Variants in IBTK observed in about 807,000 individuals in gnomAD.
IBTK encodes the protein BTK-binding protein.
Under a neutral mutation model 154.9 loss-of-function variants are expected in IBTK, and 83 were observed. That is an observed-to-expected ratio of 0.54 (90% CI 0.45 to 0.64). The LOEUF is 0.64. IBTK is among the 30% of genes least tolerant of loss of function. IBTK has a pLI of 0.00. For missense variants in IBTK, 1,332 were observed against 1,584.6 expected (o/e 0.84, Z 2.71); for synonymous variants, 515 against 536.1 (o/e 0.96, Z 0.54).
At position 82,211,572 on chromosome 6, in the gene IBTK, A is replaced by C; in HGVS notation, c.2292T>G (p.Cys764Trp). 1 of 1,611,054 alleles carries C rather than the reference A, an allele frequency of 6.2e-7. No homozygotes were observed. The highest frequency in any genetic ancestry group is 1.1e-5 in the South Asian group (1 of 91,010). Residue 764 changes from cysteine to tryptophan, a missense_variant and splice_region_variant, in exon 14 of 29, where the codon TGT (cysteine) becomes TGG (tryptophan). Cys to Trp is a radical substitution (Grantham distance 215). Coordinates refer to ENST00000306270, the MANE Select transcript of IBTK (RefSeq NM_015525.4). ...TCATGGTCACGTCACACAGAAATGAACTGCAAGAAAATGTTTAATTGAAGC... is the reference window on the plus strand; with the variant it reads ...TCATGGTCACGTCACACAGAAATGACCTGCAAGAAAATGTTTAATTGAAGC... ...GNKLKLSQKK[C>W]SFLCDVTMKS...
chr6:82,219,734 CTT>C (rs1033056736), intron 9 of IBTK, among the ~76,000 whole-genome samples: 3 of 151,450 alleles, frequency 2.0e-5, no homozygotes, highest in Non-Finnish European at 2.9e-5. Context: ...AAAATTAGAA[CTT>C]TTTATTTAAG....
chr6:82,171,501 G>T lies in IBTK; in HGVS notation c.3986C>A (p.Pro1329His). ...CCTTTCAACAATGACAAACTCTTCAGGGTTGCCAAATGCCTCATAGAAAAC... is the reference window on the plus strand; with the variant it reads ...CCTTTCAACAATGACAAACTCTTCATGGTTGCCAAATGCCTCATAGAAAAC... ...LLVFYEAFGNPEEFVIVERTP... is the reference protein window; with the variant it reads ...LLVFYEAFGNHEEFVIVERTP... Residue 1329 changes from proline to histidine, a missense_variant, in exon 29 of 29, where the codon CCT (proline) becomes CAT (histidine). Pro to His is a moderately conservative substitution (Grantham distance 77). This residue lies in a region of IBTK where 1,134 missense variants were observed against 1,274.7 expected (regional missense o/e 0.89). Coordinates refer to ENST00000306270, the MANE Select transcript of IBTK (RefSeq NM_015525.4). 2 of 1,612,934 alleles carry T rather than the reference G, an allele frequency of 1.2e-6. No individual in the cohort carries two copies.
At chr6:82,184,009 T>C (rs1003834537) in intron 25 of IBTK, among the ~76,000 whole-genome samples, 2 of 152,254 alleles carry the variant, frequency 1.3e-5, no homozygotes, top group African/African-American at 4.8e-5. Flanking sequence ...AGCCAATAAA[T>C]ATCTGTTCAT....
chr6:82,193,163 C>A lies in IBTK; in HGVS notation c.3339-1284G>T, dbSNP rs1449371245. Among the ~76,000 whole-genome samples the A allele has an allele frequency of 5.4e-5, 8 of 149,518 alleles. No homozygotes were observed. The East Asian group carries it at 1.6e-3, about 29-fold the overall frequency. On this transcript the variant is annotated intron_variant, in intron 23 of 28. Coordinates refer to ENST00000306270, the MANE Select transcript of IBTK (RefSeq NM_015525.4). ...CCTGTTTCCTGTACTTTTTTTCTTT[C>A]ATCAAAAACAAATTCTACTTATTAT... is the stretch of plus-strand genomic sequence containing the variant.
chr6:82,237,604 T>C (rs914841517), intron 2 of IBTK, among the ~76,000 whole-genome samples: 1 of 150,318 alleles, frequency 6.7e-6, no homozygotes, highest in East Asian at 2.0e-4. Context: ...GTGGTGGTAG[T>C]AGTACTAGAA....
intron 18 of IBTK, 47 bp downstream of exon 18, chr6:82,202,481 A>G: frequency 1.0e-6 from 1 of 975,532 alleles, no homozygotes. Flanking sequence ...TATTATATAT[A>G]AATATCTCCT....
chr6:82,196,411 A>T lies in IBTK; in HGVS notation c.3061T>A (p.Ser1021Thr). 1 of 1,611,548 alleles carries T rather than the reference A, an allele frequency of 6.2e-7. No individual in the cohort carries two copies. The highest frequency in any genetic ancestry group is 8.5e-7 in the Non-Finnish European group (1 of 1,178,756). ...LKSGKTNSVE[S>T]LPELLTSDSE... ...TCTGATGTCAACAGTTCTGGAAGAG[A>T]TTCCACAGAATTGGTCTTACCAGAC... is the stretch of plus-strand genomic sequence containing the variant. The change falls in exon 22 of 29, where the codon TCT becomes ACT. Residue 1021 changes from serine (S) to threonine (T), a missense_variant. Transcript: ENST00000306270.
At chr6:82,192,498 GT>G (rs538560987) in intron 23 of IBTK, among the ~76,000 whole-genome samples, 416 of 152,260 alleles carry the variant, frequency 2.7e-3, no homozygotes, top group African/African-American at 9.6e-3. Context: ...TGTAATCCCA[GT>G]ACTTTGGGAG....
At chr6:82,237,550 T>TAGCAGC (rs35272040) in intron 2 of IBTK, among the ~76,000 whole-genome samples, 3 of 149,328 alleles carry the variant, frequency 2.0e-5, no homozygotes, top group Non-Finnish European at 4.4e-5. Flanking sequence ...GTAGTAGTAG[T>TAGCAGC]AGCAGCAGCA....
intron 27 of IBTK, 144 bp from the exon 28 acceptor site, chr6:82,172,656 AATG>A (rs1178896705): frequency 3.1e-6 from 2 of 648,576 alleles, no homozygotes; most frequent in Non-Finnish European, 5.0e-6. Context: ...GAGATTACAG[AATG>A]ATGAGTTTCA....
rs1223234862 is a variant in IBTK at position 82,171,551 on chromosome 6, C to T, written c.3936G>A (p.Glu1312=). ...REKPLALIQI[E]EHAIQDLLVF... ...CCAATAAATCTTGTATGGCATGCTC[C>T]TCAATCTGAAAGGAGGAAGGGAAAG... The change falls in exon 29 of 29, where the codon GAG becomes GAA. Residue 1312 remains glutamate, a synonymous_variant. Transcript: ENST00000306270. 1.5e-5 allele frequency: 24 copies of T among 1,595,230 alleles called. No individual in the cohort carries two copies. The highest frequency in any genetic ancestry group is 7.0e-5 in the Admixed American group (4 of 57,220).
Position 82,176,535 on chromosome 6 carries a change from A to G in IBTK, c.3726-3097T>C, listed in dbSNP as rs192392267. 6.4e-3 allele frequency among the ~76,000 whole-genome samples: 968 copies of G among 151,720 alleles called. 21 individuals are homozygous for G. Among genetic ancestry groups the G allele is most frequent in the Admixed American group, 0.055 (830 of 15,186 alleles). On this transcript the variant is annotated intron_variant, in intron 26 of 28. Transcript: ENST00000306270. ...AGAGTCCGTCTCAAAAAAAAAAAAA[A>G]AAAAAGAAACACAAGCTTACATTTT...
rs375399404 is a variant in IBTK, at chr6:82,191,869, G to A, written c.3349C>T (p.Pro1117Ser). The A allele has an allele frequency of 1.2e-6, 2 of 1,606,148 alleles. No homozygotes were observed. Among genetic ancestry groups the A allele is most frequent in the Non-Finnish European group, 1.7e-6 (2 of 1,174,198 alleles). Residue 1117 changes from proline to serine, a missense_variant, in exon 24 of 29, where the codon CCT becomes TCT. Transcript: ENST00000306270. ...ATAGTTCTGAGATCCACAACAGGAGGGCTGACAGGACTAAAAGACATAAAA... is the reference window on the plus strand; with the variant it reads ...ATAGTTCTGAGATCCACAACAGGAGAGCTGACAGGACTAAAAGACATAAAA... ...WVAGSFSPVS[P>S]PVVDLRTIME...
At chr6:82,179,802 T>C (rs1768244058) in intron 26 of IBTK, among the ~76,000 whole-genome samples, 1 of 152,096 alleles carries the variant, frequency 6.6e-6, no homozygotes, top group African/African-American at 2.4e-5. Flanking sequence ...CCAGACCACA[T>C]GAGAGACCTG....
At chr6:82,200,753 G>GTTTTTTTTT in intron 19 of IBTK, 45 bp from the exon 20 acceptor site, 36 of 393,376 alleles carry the variant, frequency 9.2e-5, no homozygotes, top group South Asian at 2.3e-4. Context: ...AATCTGTGAA[G>GTTTTTTTTT]TTTTTTTTTT....
At chr6:82,184,263 T>G (rs1768455020) in intron 25 of IBTK, among the ~76,000 whole-genome samples, 1 of 152,192 alleles carries the variant, frequency 6.6e-6, no homozygotes, top group Non-Finnish European at 1.5e-5. Context: ...TTTAGACATT[T>G]GTACCTGCAT....
intron 1 of IBTK, among the ~76,000 whole-genome samples, chr6:82,243,529 T>C (rs1277802436): frequency 6.6e-6 from 1 of 152,250 alleles, no homozygotes; most frequent in Non-Finnish European, 1.5e-5. Context: ...CATACATTTG[T>C]CCAGCATTGC....
chr6:82,210,926 C>T lies in IBTK; in HGVS notation c.2413-16G>A, dbSNP rs1362789947. 4 of 1,391,258 alleles carry T rather than the reference C, an allele frequency of 2.9e-6. No individual in the cohort carries two copies. The highest frequency in any genetic ancestry group is 4.5e-5 in the Admixed American group (2 of 44,692). 86.2% of individuals were successfully genotyped at this position (1,391,258 alleles called of 1,614,324 possible). A position where few individuals can be genotyped will look rare whatever the true frequency, so the allele number is the denominator to read the frequency against. ...AACTGGAAGCCTAAATAAAATAAGACAAAATAAAGTAAAATAATTCATTCT... is the reference window on the plus strand; with the variant it reads ...AACTGGAAGCCTAAATAAAATAAGATAAAATAAAGTAAAATAATTCATTCT... On this transcript the variant is annotated splice_polypyrimidine_tract_variant and intron_variant, in intron 15 of 28. Coordinates refer to ENST00000306270, the MANE Select transcript of IBTK (RefSeq NM_015525.4).
intron 6 of IBTK, among the ~76,000 whole-genome samples, chr6:82,225,081 C>A (rs1299313205): frequency 6.6e-6 from 1 of 151,942 alleles, no homozygotes; most frequent in Non-Finnish European, 1.5e-5. Context: ...GGGCAGATCA[C>A]CTGAGGTCAG....
Sources: allele counts gnomAD v4.1 joint callset (sites outside exome capture counted in the v4.1 genomes callset), GRCh38; gene constraint gnomAD v4.1.1; regional missense constraint gnomAD v4.1.1; transcripts MANE v1.5; gene names NCBI Gene and HGNC (gene_info 2026-07-23, HGNC 2026-07-21).